The following CACNA1D variants were observed in gnomAD, a reference collection of about 807,000 sequenced individuals.
CACNA1D encodes voltage-dependent L-type calcium channel subunit alpha-1D.
Under a neutral mutation model 257.1 loss-of-function variants are expected in CACNA1D, and 55 were observed. That is an observed-to-expected ratio of 0.21 (90% confidence interval 0.17 to 0.27). The LOEUF is 0.27. CACNA1D is among the 10% of genes least tolerant of loss of function. The pLI is 1.00. For synonymous variants in CACNA1D, 980 were observed against 1,014.9 expected (o/e 0.97, Z 0.65); for missense variants, 1,876 against 2,784.0 (o/e 0.67, Z 7.34).
At chr3:53,497,561 G>T in intron 2 of CACNA1D, 100 bp downstream of exon 2, 1 of 1,223,826 alleles carries the variant, frequency 8.2e-7, no homozygotes, top group South Asian at 1.2e-5. Context: ...TAGCAGTCTG[G>T]AATGCGAGTA....
At chr3:53,752,298 C>T (rs77648270) in intron 28 of CACNA1D, among the ~76,000 whole-genome samples, 1,709 of 152,174 alleles carry the variant, frequency 0.011, 39 homozygotes, top group African/African-American at 0.039. Flanking sequence ...TTAAATTCCC[C>T]GAGGCTTGAT....
chr3:53,662,371 C>G (rs1255833925), intron 5 of CACNA1D, among the ~76,000 whole-genome samples: 7 of 152,108 alleles, frequency 4.6e-5, no homozygotes, highest in Non-Finnish European at 8.8e-5. Context: ...GTGTTGACGT[C>G]CCCCATTCTC....
rs926241141 is a variant in CACNA1D, at chr3:53,810,056, C to G, written c.5950C>G (p.Pro1984Ala). 1 of 1,614,030 alleles carries G rather than the reference C, an allele frequency of 6.2e-7. No homozygotes were observed. The highest frequency in any genetic ancestry group is 8.5e-7 in the Non-Finnish European group (1 of 1,180,008). ...PSHSTRSWAT[P>A]PATPPYRDWT... is the part of the protein sequence containing the mutation. Reference sequence around the variant, plus strand: ...TCACTCGACCCGGTCGTGGGCCACCCCTCCAGCAACCCCTCCCTACCGGGA... The same window carrying G: ...TCACTCGACCCGGTCGTGGGCCACCGCTCCAGCAACCCCTCCCTACCGGGA... Residue 1984 changes from proline to alanine, a missense_variant, in exon 47 of 48, where the codon CCT (proline) becomes GCT (alanine). Around this residue, in one of 10 missense-constraint regions of CACNA1D, gnomAD observed 491 missense variants for 554.3 expected, o/e 0.89. Coordinates refer to ENST00000350061, the MANE Select transcript of CACNA1D (RefSeq NM_001128840.3).
At chr3:53,733,041 G>A in intron 19 of CACNA1D, 79 bp downstream of exon 19, 1 of 1,460,488 alleles carries the variant, frequency 6.8e-7, no homozygotes, top group South Asian at 1.2e-5. Context: ...GCTCGGGTGG[G>A]GGTGAGGGGA....
At chr3:53,763,494 G>A (rs1009764439) in intron 30 of CACNA1D, among the ~76,000 whole-genome samples, 2 of 152,178 alleles carry the variant, frequency 1.3e-5, no homozygotes, top group Non-Finnish European at 2.9e-5. Flanking sequence ...TCATCAGCAA[G>A]TCTTAGTGGG....
chr3:53,525,564 G>A (rs1009653857), intron 3 of CACNA1D, among the ~76,000 whole-genome samples: 2 of 152,196 alleles, frequency 1.3e-5, no homozygotes, highest in African/African-American at 4.8e-5. Flanking sequence ...TAATAATTCA[G>A]TGATCATATG....
At position 53,795,862 on chromosome 3, in the gene CACNA1D, C is replaced by T. The variant is rs138965430; in HGVS notation, c.4924-4387C>T. ...TTATCTTTCCAAGTGATGGGAATAG[C>T]GCAACCCCTAGGGGAGCTTGTGGGG... On this transcript the variant is annotated intron_variant, in intron 40 of 47. Coordinates refer to ENST00000350061, the MANE Select transcript of CACNA1D (RefSeq NM_001128840.3). Among the ~76,000 whole-genome samples the T allele has an allele frequency of 2.4e-3, 373 of 152,274 alleles. 2 individuals are homozygous for T. Among genetic ancestry groups the T allele is most frequent in the Non-Finnish European group, 4.7e-3 (318 of 68,012 alleles).
chr3:53,749,129 G>T, intron 26 of CACNA1D, 139 bp from the exon 27 acceptor site: 1 of 715,200 alleles, frequency 1.4e-6, no homozygotes, highest in Non-Finnish European at 2.6e-6. Context: ...AGACCTGGTT[G>T]TGTCCAGCAG....
intron 22 of CACNA1D, among the ~76,000 whole-genome samples, chr3:53,744,019 G>A (rs902634429): frequency 6.6e-5 from 10 of 152,142 alleles, no homozygotes; most frequent in Non-Finnish European, 1.5e-4. Flanking sequence ...TGTCCAAGCT[G>A]CAGCCTTGCC....
chr3:53,680,260 G>A (rs920497908), intron 8 of CACNA1D, among the ~76,000 whole-genome samples: 1 of 152,202 alleles, frequency 6.6e-6, no homozygotes, highest in South Asian at 2.1e-4. Flanking sequence ...CCTGGCAACA[G>A]CAGTGGACAG....
chr3:53,651,017 T>A, intron 4 of CACNA1D, 99 bp downstream of exon 4: 1 of 1,147,990 alleles, frequency 8.7e-7, no homozygotes. Flanking sequence ...GGGAATGTGG[T>A]TGCTCTTTTA....
At chr3:53,758,076 A>G (rs2095276962) in intron 29 of CACNA1D, among the ~76,000 whole-genome samples, 1 of 152,192 alleles carries the variant, frequency 6.6e-6, no homozygotes, top group African/African-American at 2.4e-5. Flanking sequence ...AAAGGAATAA[A>G]GGGATGATCC....
chr3:53,809,927 G>A, intron 46 of CACNA1D, 51 bp from the exon 47 acceptor site: 1 of 1,564,816 alleles, frequency 6.4e-7, no homozygotes. Flanking sequence ...AAGGTTTGAG[G>A]CCCGGACCTC....
intron 3 of CACNA1D, among the ~76,000 whole-genome samples, chr3:53,522,939 CT>C (rs2091634434): frequency 6.6e-6 from 1 of 152,332 alleles, no homozygotes. Context: ...TTCTCAGCCT[CT>C]GATAACTATT....
At chr3:53,783,528 A>G (rs1032943680) in intron 39 of CACNA1D, among the ~76,000 whole-genome samples, 1 of 152,220 alleles carries the variant, frequency 6.6e-6, no homozygotes, top group African/African-American at 2.4e-5. Context: ...GTGAGGCACA[A>G]GAAGAGAGAA....
chr3:53,717,601 TC>T (rs2094833296), intron 9 of CACNA1D, among the ~76,000 whole-genome samples: 1 of 151,886 alleles, frequency 6.6e-6, no homozygotes, highest in East Asian at 1.9e-4. Context: ...GAGACCAGAG[TC>T]AACCTTGCCC....
chr3:53,780,206 G>C, intron 38 of CACNA1D, 78 bp downstream of exon 38: 1 of 1,194,662 alleles, frequency 8.4e-7, no homozygotes. Flanking sequence ...TCCTCATCTG[G>C]GCCTTTTCTT....
chr3:53,577,010 T>A (rs1356458340), intron 3 of CACNA1D, among the ~76,000 whole-genome samples: 1 of 152,162 alleles, frequency 6.6e-6, no homozygotes, highest in East Asian at 1.9e-4. Flanking sequence ...CTCACCATAT[T>A]TTCTCTTTCA....
intron 3 of CACNA1D, among the ~76,000 whole-genome samples, chr3:53,594,297 G>A (rs1363334963): frequency 6.6e-6 from 1 of 152,194 alleles, no homozygotes; most frequent in African/African-American, 2.4e-5. Context: ...CCTGAGGATG[G>A]GGACAGAGTT....
Sources: allele counts gnomAD v4.1 joint callset (sites outside exome capture counted in the v4.1 genomes callset), GRCh38; gene constraint gnomAD v4.1.1; regional missense constraint gnomAD v4.1.1; transcripts MANE v1.5; gene names NCBI Gene and HGNC (gene_info 2026-07-23, HGNC 2026-07-21).